The following GNG2 variants were observed in gnomAD, a reference collection of about 807,000 sequenced individuals.
GNG2 encodes the protein G protein subunit gamma 2.
Under a neutral mutation model 5.5 loss-of-function variants are expected in GNG2, and 5 were observed. The ratio of observed to expected loss-of-function variants is 0.91; its 90% CI spans 0.48 to 1.92. GNG2 has a LOEUF of 1.92. Ranked by LOEUF, GNG2 falls within the 30% of genes most tolerant of loss-of-function variation. The probability of loss-of-function intolerance (pLI) is 0.01; values close to 1 mark genes in which losing one functional copy is unlikely to be tolerated. For synonymous variants in GNG2, 28 were observed against 32.0 expected (o/e 0.88, Z 0.42); for missense variants, 55 against 88.4 (o/e 0.62, Z 1.52).
Position 51,828,661 on chromosome 14 carries a change from TGTAGCTTAGTTTACA to T in GNG2, c.64+856_64+870del, listed in dbSNP as rs1881098801. ...AGTAGGCATCCTAACGGCCACAAGA[TGTAGCTTAGTTTACA>T]GACCCATCAAGCTGCTTGGGTTGGT... is the stretch of plus-strand genomic sequence containing the variant. On this transcript the variant is annotated intron_variant, in intron 2 of 3. Coordinates refer to the GNG2 transcript ENST00000553432. 3.3e-5 allele frequency among the ~76,000 whole-genome samples: 5 copies of T among 152,234 alleles called. No individual in the cohort carries two copies. The South Asian group carries it at 1.0e-3, about 32-fold the overall frequency.
At chr14:51,931,639 A>T (rs1414557719) in intron 2 of GNG2, among the ~76,000 whole-genome samples, 1 of 152,126 alleles carries the variant, frequency 6.6e-6, no homozygotes, top group Admixed American at 6.5e-5. Context: ...AAGAAGAGAG[A>T]CTGAGAAAGA....
At chr14:51,929,906 G>A (rs1033032927) in intron 2 of GNG2, among the ~76,000 whole-genome samples, 19 of 152,150 alleles carry the variant, frequency 1.2e-4, no homozygotes, top group African/African-American at 4.3e-4. Context: ...CTATTTGCTA[G>A]GATGATATTA....
At chr14:51,889,385 C>A (rs1248269249) in intron 2 of GNG2, among the ~76,000 whole-genome samples, 3 of 152,024 alleles carry the variant, frequency 2.0e-5, no homozygotes, top group Non-Finnish European at 4.4e-5. Flanking sequence ...AGTGAGCCAC[C>A]ATGCCCGGTC....
intron 3 of GNG2, among the ~76,000 whole-genome samples, chr14:51,956,761 T>G (rs1889295448): frequency 6.6e-6 from 1 of 152,184 alleles, no homozygotes; most frequent in African/African-American, 2.4e-5. Context: ...CTGTGCTTAT[T>G]TTTTGCCTGA....
At chr14:51,966,536 G>A in intron 3 of GNG2, 23 bp from the exon 4 acceptor site, 3 of 1,611,476 alleles carry the variant, frequency 1.9e-6, no homozygotes, top group Non-Finnish European at 2.5e-6. Flanking sequence ...TCCAGTGTTG[G>A]TTGTTTTTGT....
rs1881091263 is a variant in GNG2, at chr14:51,828,412, C to A, written c.64+605C>A. ...TAAAGGAAAGCAGGACCAGAAGAAC[C>A]TTGACAACTTTTTGATATTGCTTAT... is the stretch of plus-strand genomic sequence containing the variant. On this transcript the variant is annotated intron_variant, in intron 2 of 3. Transcript: ENST00000553432. Among the ~76,000 whole-genome samples the A allele has an allele frequency of 2.0e-5, 3 of 152,128 alleles. No individual in the cohort carries two copies. In the South Asian group the frequency reaches 6.2e-4, roughly 31 times the overall value.
chr14:51,875,947 C>CTTTTTTTTTTTTTTTTT (rs10529707), intron 1 of GNG2, among the ~76,000 whole-genome samples: 2 of 141,126 alleles, frequency 1.4e-5, no homozygotes, highest in African/African-American at 5.3e-5. Flanking sequence ...ACATTTTTTT[C>CTTTTTTTTTTTTTTTTT]TTTTTTCCGA....
intron 2 of GNG2, among the ~76,000 whole-genome samples, chr14:51,891,008 T>C (rs1028986792): frequency 1.3e-5 from 2 of 152,038 alleles, no homozygotes; most frequent in Admixed American, 1.3e-4. Context: ...CAATGGAAAA[T>C]AACTTTCAGT....
At position 51,830,484 on chromosome 14, in the gene GNG2, G is replaced by T. The variant is rs117313885; in HGVS notation, c.64+2677G>T. Reference sequence around the variant, plus strand: ...GGATGGTTCATATTTATCACGTCCAGAGTGGAGCTCCTGATCTTACCTTCA... The same window carrying T: ...GGATGGTTCATATTTATCACGTCCATAGTGGAGCTCCTGATCTTACCTTCA... On this transcript the variant is annotated intron_variant, in intron 2 of 3. Coordinates refer to the GNG2 transcript ENST00000553432. Among the ~76,000 whole-genome samples, 1,174 of 152,290 alleles carry T rather than the reference G, an allele frequency of 7.7e-3. 8 individuals carry two copies. Among genetic ancestry groups the T allele is most frequent in the Middle Eastern group, 0.034 (10 of 294 alleles).
chr14:51,937,966 C>A (rs181433696), intron 2 of GNG2, among the ~76,000 whole-genome samples: 1 of 152,148 alleles, frequency 6.6e-6, no homozygotes, highest in African/African-American at 2.4e-5. Flanking sequence ...GAAGCCTTAA[C>A]GAACAACGAA....
intron 2 of GNG2, among the ~76,000 whole-genome samples, chr14:51,922,394 CTA>C (rs1887066970): frequency 6.6e-6 from 1 of 152,146 alleles, no homozygotes; most frequent in Non-Finnish European, 1.5e-5. Context: ...GACCAGAGCA[CTA>C]GAGTCTCTCA....
chr14:51,966,307 G>A (rs1488558358), intron 3 of GNG2, among the ~76,000 whole-genome samples: 3 of 149,734 alleles, frequency 2.0e-5, no homozygotes, highest in East Asian at 4.0e-4. Flanking sequence ...CCCTGCCAGC[G>A]AGTGCCTCCT....
intron 3 of GNG2, among the ~76,000 whole-genome samples, chr14:51,952,884 T>C (rs555056268): frequency 2.0e-5 from 3 of 152,336 alleles, no homozygotes; most frequent in African/African-American, 4.8e-5. Flanking sequence ...TTCCTCTTTA[T>C]TGAAAATCAG....
intron 1 of GNG2, among the ~76,000 whole-genome samples, chr14:51,873,428 T>C (rs1422539262): frequency 6.6e-6 from 1 of 152,234 alleles, no homozygotes. Flanking sequence ...GAGCTTTGAC[T>C]ATTAGCTTCA....
intron 2 of GNG2, among the ~76,000 whole-genome samples, chr14:51,922,239 A>G (rs1290966547): frequency 6.6e-6 from 1 of 152,254 alleles, no homozygotes; most frequent in Non-Finnish European, 1.5e-5. Context: ...TCTGTGAGAA[A>G]CTAGGATGCT....
At chr14:51,871,464 A>T (rs1406744544) in intron 1 of GNG2, among the ~76,000 whole-genome samples, 1 of 152,204 alleles carries the variant, frequency 6.6e-6, no homozygotes, top group Non-Finnish European at 1.5e-5. Context: ...GTTTAGAGTC[A>T]GAATTACTTG....
At chr14:51,915,310 T>C (rs1375806276) in intron 2 of GNG2, among the ~76,000 whole-genome samples, 1 of 152,242 alleles carries the variant, frequency 6.6e-6, no homozygotes, top group Non-Finnish European at 1.5e-5. Flanking sequence ...TTTGTCATAT[T>C]ACACCTCTGC....
upstream of GNG2, among the ~76,000 whole-genome samples, chr14:51,855,890 C>T (rs1250691067): frequency 6.6e-6 from 1 of 152,032 alleles, no homozygotes; most frequent in African/African-American, 2.4e-5. Flanking sequence ...GAAGGCAAGT[C>T]AATCAAAAAA....
rs78195083 is a variant in GNG2 at position 51,934,479 on chromosome 14, C to T, written c.-29-16171C>T. Among the ~76,000 whole-genome samples the T allele has an allele frequency of 2.5e-3, 379 of 152,316 alleles. 1 individual carries two copies. The highest frequency in any genetic ancestry group is 4.5e-3 in the Non-Finnish European group (307 of 68,030). On this transcript the variant is annotated intron_variant, in intron 2 of 3. Coordinates refer to ENST00000556766, the MANE Select transcript of GNG2 (RefSeq NM_053064.5). ...GCAGTGATAGGAATAAAACTACAAT[C>T]GGCCTCTTGAACTGGCACAAAGAAC...
Sources: gnomAD v4.1 joint callset for allele counts (sites outside exome capture counted in the v4.1 genomes callset) on GRCh38, gnomAD v4.1.1 for gene constraint, MANE v1.5 for transcripts, NCBI Gene and HGNC (gene_info 2026-07-23, HGNC 2026-07-21) for gene names.